Variants in TF observed in about 807,000 individuals in gnomAD.
The protein encoded by TF is transferrin.
TF carries 55 observed loss-of-function variants against 82.4 expected under a neutral mutation model. The observed-to-expected ratio is 0.67, with a 90% CI of 0.54 to 0.84. The LOEUF (loss-of-function observed/expected upper bound fraction) is 0.84, where lower values mean the gene tolerates loss of function less well. Ranked by LOEUF, TF falls within the 40% of genes least tolerant of loss-of-function variation. TF has a pLI of 0.00. For synonymous variants in TF, 332 were observed against 332.6 expected (o/e 1.00, Z 0.02); for missense variants, 737 against 868.4 (o/e 0.85, Z 1.90).
At chr3:133,698,169 C>T in the TF span, among the ~76,000 whole-genome samples, 2 of 152,244 alleles carry the variant, frequency 1.3e-5, no homozygotes, top group Non-Finnish European at 2.9e-5. Flanking sequence ...TTGAGCTGCT[C>T]GCTGGAGCCT....
At chr3:133,684,554 C>T in the TF span, among the ~76,000 whole-genome samples, 1 of 152,128 alleles carries the variant, frequency 6.6e-6, no homozygotes, top group Non-Finnish European at 1.5e-5. Context: ...TACAAACTAC[C>T]ATCAGAGAAT....
At chr3:133,727,757 T>A in the TF span, among the ~76,000 whole-genome samples, 1 of 128,696 alleles carries the variant, frequency 7.8e-6, no homozygotes, top group African/African-American at 3.0e-5. Context: ...GTCTCGATGG[T>A]CTTTACATTT....
intron 7 of TF, 116 bp downstream of exon 7, chr3:133,757,125 C>A: frequency 7.4e-7 from 1 of 1,354,020 alleles, no homozygotes; most frequent in Non-Finnish European, 1.0e-6. Flanking sequence ...ACAGTGGGAG[C>A]CATGCCACAT....
chr3:133,679,383 G>C, the TF span, among the ~76,000 whole-genome samples: 1 of 152,124 alleles, frequency 6.6e-6, no homozygotes, highest in South Asian at 2.1e-4. Context: ...CTCAGTTAAA[G>C]TATACATATA....
chr3:133,666,102 G>C, the TF span, among the ~76,000 whole-genome samples: 250 of 152,244 alleles, frequency 1.6e-3, 2 homozygotes, highest in African/African-American at 5.3e-3. Context: ...GGTTTTTTGA[G>C]TTATAGAGTT....
At chr3:133,702,886 T>C in the TF span, among the ~76,000 whole-genome samples, 1 of 152,184 alleles carries the variant, frequency 6.6e-6, no homozygotes, top group Non-Finnish European at 1.5e-5. Context: ...GTCTACTAAA[T>C]GTGTCAATTG....
chr3:133,749,447 A>G (rs752416327), intron 2 of TF, among the ~76,000 whole-genome samples: 2 of 152,218 alleles, frequency 1.3e-5, no homozygotes, highest in Non-Finnish European at 2.9e-5. Context: ...CTCATGGGCT[A>G]GTCAGGAGAG....
At chr3:133,746,000 C>G, upstream of TF, 1 of 271,264 alleles carries the variant, frequency 3.7e-6, no homozygotes. Context: ...GGTCTGGGCG[C>G]AGTTCTTTTC....
intron 14 of TF, chr3:133,774,961 G>C (rs1380965198): frequency 2.7e-6 from 1 of 367,866 alleles, no homozygotes. Context: ...TTCTCATTTA[G>C]AACTGGAACA....
chr3:133,722,827 A>C, the TF span, among the ~76,000 whole-genome samples: 1 of 152,152 alleles, frequency 6.6e-6, no homozygotes, highest in Admixed American at 6.5e-5. Flanking sequence ...TATATCATGG[A>C]GTATTCTTAG....
rs539326203 is a variant in TF, at chr3:133,783,245, G to A, written c.*4625G>A. ...TGAAATGTATAATGATGACTGGAAA[G>A]GGTGGTAGTCACATGGAAATAATGA... On this transcript the variant is annotated 3_prime_UTR_variant, in exon 17 of 17. Coordinates refer to ENST00000402696, the MANE Select transcript of TF (RefSeq NM_001063.4). The A allele has an allele frequency of 6.6e-6, 1 of 152,254 alleles. No homozygotes were observed. Among genetic ancestry groups the A allele is most frequent in the African/African-American group, 2.4e-5 (1 of 41,526 alleles). 9.4% of individuals were successfully genotyped at this position (152,254 alleles called of 1,614,324 possible).
the TF span, among the ~76,000 whole-genome samples, chr3:133,714,739 G>C: frequency 1.3e-5 from 2 of 152,220 alleles, no homozygotes; most frequent in African/African-American, 4.8e-5. Context: ...CTGGAGTGTG[G>C]TGGTGCGATC....
At chr3:133,666,053 T>G in the TF span, among the ~76,000 whole-genome samples, 1 of 151,986 alleles carries the variant, frequency 6.6e-6, no homozygotes, top group African/African-American at 2.4e-5. Flanking sequence ...TTTTACTACA[T>G]AGATAATATT....
the TF span, among the ~76,000 whole-genome samples, chr3:133,705,916 A>G: frequency 6.6e-6 from 1 of 152,322 alleles, no homozygotes; most frequent in Non-Finnish European, 1.5e-5. Flanking sequence ...CTGGGGTGTA[A>G]TAATACTATT....
At chr3:133,719,135 TG>T in the TF span, among the ~76,000 whole-genome samples, 2 of 152,238 alleles carry the variant, frequency 1.3e-5, no homozygotes, top group Non-Finnish European at 2.9e-5. Flanking sequence ...GGGGAACAAA[TG>T]TATAGTGATA....
intron 1 of TF, among the ~76,000 whole-genome samples, 166 bp downstream of exon 1, chr3:133,746,649 G>C (rs1013771985): frequency 1.3e-5 from 2 of 152,198 alleles, no homozygotes; most frequent in Admixed American, 1.3e-4. Context: ...CCTTTGCTTG[G>C]GCTTCTAGAC....
chr3:133,697,361 T>C, the TF span, among the ~76,000 whole-genome samples: 1 of 152,246 alleles, frequency 6.6e-6, no homozygotes. Flanking sequence ...TTTTAATTAG[T>C]GGGGTCATCT....
chr3:133,668,600 G>GA, the TF span, among the ~76,000 whole-genome samples: 7 of 152,054 alleles, frequency 4.6e-5, 1 homozygote, highest in African/African-American at 1.7e-4. Context: ...GGCAGGGAGG[G>GA]AAAAAAACAT....
chr3:133,727,497 C>T, the TF span, among the ~76,000 whole-genome samples: 1 of 111,522 alleles, frequency 9.0e-6, no homozygotes, highest in Non-Finnish European at 1.9e-5. Flanking sequence ...TTTTTGTTTT[C>T]CATTTGCTTG....
Sources: allele counts gnomAD v4.1 joint callset (sites outside exome capture counted in the v4.1 genomes callset), GRCh38; gene constraint gnomAD v4.1.1; transcripts MANE v1.5; gene names NCBI Gene and HGNC (gene_info 2026-07-23, HGNC 2026-07-21).